Variants in LYPD6B observed in about 807,000 individuals in gnomAD.
LYPD6B encodes LY6/PLAUR domain containing 6B.
LYPD6B carries 17 observed loss-of-function variants against 22.8 expected under a neutral mutation model. That is an observed-to-expected ratio of 0.75 (90% CI 0.51 to 1.12). The LOEUF (loss-of-function observed/expected upper bound fraction) is 1.12, where lower values mean the gene tolerates loss of function less well. Among genes scored for constraint, LYPD6B ranks in the 50% most tolerant of loss-of-function variants. LYPD6B has a pLI of 0.00. For missense variants in LYPD6B, 221 were observed against 258.3 expected, an observed-to-expected ratio of 0.86 and a Z score of 0.99; for synonymous variants, 106 against 91.6, an observed-to-expected ratio of 1.16 and a Z score of -0.90.
chr2:149,198,064 A>G (rs1170825150), intron 3 of LYPD6B, among the ~76,000 whole-genome samples: 1 of 149,498 alleles, frequency 6.7e-6, no homozygotes, highest in Non-Finnish European at 1.5e-5. Context: ...TTTTTGTGAG[A>G]CAGAGTCTCG....
At chr2:149,168,132 C>T (rs950185982) in intron 3 of LYPD6B, among the ~76,000 whole-genome samples, 7 of 136,192 alleles carry the variant, frequency 5.1e-5, no homozygotes, top group Admixed American at 2.6e-4. Context: ...GTTGCTAGAA[C>T]GGGGGAGGCG....
chr2:149,212,922 A>T (rs1693963213), intron 5 of LYPD6B, 70 bp from the exon 6 acceptor site: 3 of 1,483,906 alleles, frequency 2.0e-6, no homozygotes, highest in African/African-American at 2.8e-5. Flanking sequence ...TTGTTAAGAG[A>T]TCTCTTTTGT....
chr2:149,043,516 T>C (rs1683181125), intron 1 of LYPD6B, among the ~76,000 whole-genome samples: 1 of 152,186 alleles, frequency 6.6e-6, no homozygotes, highest in Admixed American at 6.5e-5. Flanking sequence ...TTCTTGTTGT[T>C]CAGTACAATA....
intron 1 of LYPD6B, among the ~76,000 whole-genome samples, chr2:149,102,163 G>C (rs1023401094): frequency 3.3e-5 from 5 of 152,012 alleles, no homozygotes; most frequent in African/African-American, 4.8e-5. Flanking sequence ...AGAAGTAAAG[G>C]CACATTGAAA....
At chr2:149,096,005 A>AC (rs1685887935) in intron 1 of LYPD6B, among the ~76,000 whole-genome samples, 1 of 152,028 alleles carries the variant, frequency 6.6e-6, no homozygotes, top group African/African-American at 2.4e-5. Context: ...ACAGACACAC[A>AC]CAGAAAGACC....
intron 1 of LYPD6B, among the ~76,000 whole-genome samples, chr2:149,108,332 A>C (rs1377965018): frequency 1.3e-5 from 2 of 152,346 alleles, no homozygotes; most frequent in East Asian, 1.9e-4. Flanking sequence ...GCAGCATGAA[A>C]ACAGACTAAT....
intron 2 of LYPD6B, among the ~76,000 whole-genome samples, chr2:149,153,846 G>A (rs374635983): frequency 2.0e-5 from 3 of 152,086 alleles, no homozygotes; most frequent in Non-Finnish European, 2.9e-5. Context: ...CAGGGTGATC[G>A]TGACGGCAGG....
chr2:149,159,582 A>ATGTG (rs995155277), intron 2 of LYPD6B, among the ~76,000 whole-genome samples: 1 of 121,934 alleles, frequency 8.2e-6, no homozygotes, highest in African/African-American at 3.5e-5. Flanking sequence ...GAGAGAGCAT[A>ATGTG]TGTGTGCGTG....
At chr2:149,156,417 G>C (rs1175087644) in intron 2 of LYPD6B, among the ~76,000 whole-genome samples, 1 of 152,182 alleles carries the variant, frequency 6.6e-6, no homozygotes, top group African/African-American at 2.4e-5. Flanking sequence ...GAAAGATTAA[G>C]GGGAGGTGTC....
intron 1 of LYPD6B, among the ~76,000 whole-genome samples, chr2:149,049,553 A>T (rs1406607676): frequency 6.6e-6 from 1 of 152,232 alleles, no homozygotes; most frequent in East Asian, 1.9e-4. Flanking sequence ...TTAGTACCTC[A>T]GAGTGCTCTT....
At chr2:149,178,692 C>G (rs1418204071) in intron 3 of LYPD6B, among the ~76,000 whole-genome samples, 1 of 152,214 alleles carries the variant, frequency 6.6e-6, no homozygotes, top group Non-Finnish European at 1.5e-5. Flanking sequence ...ACATGATCTT[C>G]TAAGCCTAAT....
chr2:149,191,895 C>T (rs1692518759), intron 3 of LYPD6B, among the ~76,000 whole-genome samples: 1 of 152,078 alleles, frequency 6.6e-6, no homozygotes, highest in Non-Finnish European at 1.5e-5. Flanking sequence ...TTGGGGCAGG[C>T]AGGAGGAGGA....
chr2:149,152,086 C>G (rs1689417387), intron 2 of LYPD6B, among the ~76,000 whole-genome samples: 1 of 152,172 alleles, frequency 6.6e-6, no homozygotes, highest in South Asian at 2.1e-4. Flanking sequence ...CCTCTCTTTT[C>G]AAAAGCTTTC....
At chr2:149,107,689 C>T (rs936602160) in intron 1 of LYPD6B, among the ~76,000 whole-genome samples, 1 of 152,136 alleles carries the variant, frequency 6.6e-6, no homozygotes, top group African/African-American at 2.4e-5. Flanking sequence ...AGCTGTCTTT[C>T]TGTAACTGAT....
chr2:149,047,298 T>C (rs1160752695), intron 1 of LYPD6B, among the ~76,000 whole-genome samples: 1 of 152,164 alleles, frequency 6.6e-6, no homozygotes, highest in Non-Finnish European at 1.5e-5. Flanking sequence ...CTTTGGGAGA[T>C]ATTTTACTGG....
intron 1 of LYPD6B, among the ~76,000 whole-genome samples, chr2:149,054,490 GT>G (rs1683699016): frequency 6.6e-6 from 1 of 152,098 alleles, no homozygotes; most frequent in Non-Finnish European, 1.5e-5. Flanking sequence ...ATTCTGGATA[GT>G]AGACCCTTAT....
chr2:149,041,816 G>C (rs1001560867), intron 1 of LYPD6B, among the ~76,000 whole-genome samples: 52 of 152,202 alleles, frequency 3.4e-4, no homozygotes, highest in Admixed American at 3.4e-3. Context: ...AAGAAGCATA[G>C]TAAATCTTGG....
intron 3 of LYPD6B, among the ~76,000 whole-genome samples, chr2:149,168,947 G>A (rs982574855): frequency 1.3e-5 from 2 of 152,056 alleles, no homozygotes; most frequent in Non-Finnish European, 1.5e-5. Flanking sequence ...GAACTCTAAT[G>A]GGCAACAATT....
intron 1 of LYPD6B, among the ~76,000 whole-genome samples, chr2:149,078,917 G>A (rs905465867): frequency 2.0e-5 from 3 of 152,034 alleles, no homozygotes; most frequent in African/African-American, 7.2e-5. Flanking sequence ...CTGAGGCAGA[G>A]GATCACTTGA....
Sources: allele counts gnomAD v4.1 joint callset (sites outside exome capture counted in the v4.1 genomes callset), GRCh38; gene constraint gnomAD v4.1.1; transcripts MANE v1.5; gene names NCBI Gene and HGNC (gene_info 2026-07-23, HGNC 2026-07-21).